Variants in AP5Z1 observed in about 807,000 individuals in gnomAD.
AP5Z1 encodes the protein AP-5 complex subunit zeta-1.
Under a neutral mutation model 83.0 loss-of-function variants are expected in AP5Z1, and 106 were observed. The ratio of observed to expected loss-of-function variants is 1.28; its 90% CI spans 1.09 to 1.50. The LOEUF (loss-of-function observed/expected upper bound fraction) is 1.50. AP5Z1 is among the 40% of genes most tolerant of loss of function. The pLI is 0.00. For synonymous variants in AP5Z1, 751 were observed against 514.1 expected, an observed-to-expected ratio of 1.46 and a Z score of -6.23; for missense variants, 1,565 against 1,094.2, an observed-to-expected ratio of 1.43 and a Z score of -6.07.
At chr7:4,786,725 C>A (rs952136277) in intron 10 of AP5Z1, among the ~76,000 whole-genome samples, 3 of 152,038 alleles carry the variant, frequency 2.0e-5, no homozygotes, top group Non-Finnish European at 4.4e-5. Context: ...TAGGATCCCT[C>A]CCCCGGGAGC....
At position 4,783,799 on chromosome 7, in the gene AP5Z1, G is replaced by C; in HGVS notation, c.621+1G>C. The C allele has an allele frequency of 1.9e-6, 3 of 1,546,874 alleles. No homozygotes were observed. Among genetic ancestry groups the C allele is most frequent in the Non-Finnish European group, 2.6e-6 (3 of 1,146,798 alleles). On this transcript the variant is annotated splice_donor_variant, in intron 5 of 16. Transcript: ENST00000649063. LOFTEE classifies it high-confidence loss of function. ...CTTCTCCACGCCCAGGGCCCGGCAG[G>C]TGAGGCTGGGACTGTTCTGGAACCA... is the stretch of plus-strand genomic sequence containing the variant.
At chr7:4,790,422 C>G (rs1435465158) in intron 14 of AP5Z1, 37 bp from the exon 15 acceptor site, 5 of 1,612,514 alleles carry the variant, frequency 3.1e-6, no homozygotes, top group Non-Finnish European at 4.2e-6. Flanking sequence ...GGTCATAGGT[C>G]TGCACAGAGC....
rs1325127017 is a variant in AP5Z1, at chr7:4,790,537, G to A, written c.1884G>A (p.Glu628=). 1 of 1,613,162 alleles carries A rather than the reference G, an allele frequency of 6.2e-7. No individual in the cohort carries two copies. Among genetic ancestry groups the A allele is most frequent in the East Asian group, 2.2e-5 (1 of 44,862 alleles). Residue 628 remains glutamate, a synonymous_variant, in exon 15 of 17, where the codon GAG becomes GAA. Coordinates refer to ENST00000649063, the MANE Select transcript of AP5Z1 (RefSeq NM_014855.3). The part of the protein sequence containing the change: ...LVVELARDLL[E]FLGSVNGLCS... ...TGGAGCTGGCAAGAGACCTGCTGGA[G>A]TTCCTGGGCAGCGTGAATGGTCTCT...
chr7:4,790,036 T>A, intron 14 of AP5Z1, 107 bp downstream of exon 14: 2 of 981,488 alleles, frequency 2.0e-6, no homozygotes, highest in Non-Finnish European at 2.7e-6. Context: ...CACCCCTAGC[T>A]GGGCCCTCAG....
Position 4,775,757 on chromosome 7 carries a change from G to A in AP5Z1, c.41+1G>A. On this transcript the variant is annotated splice_donor_variant, in intron 1 of 16. Transcript: ENST00000649063. LOFTEE classifies it high-confidence loss of function. ...CGGAGAGTTTGCTCCACCAGGCCAG[G>A]TACGGGGGAGCTGCGGCCCCGGCCC... The A allele has an allele frequency of 6.2e-7, 1 of 1,604,342 alleles. No individual in the cohort carries two copies. The highest frequency in any genetic ancestry group is 8.5e-7 in the Non-Finnish European group (1 of 1,179,638).
In AP5Z1 at chr7:4,783,465, G is replaced by T. The variant is rs759729051; in HGVS notation, c.511+5G>T. On this transcript the variant is annotated splice_donor_5th_base_variant and intron_variant, in intron 4 of 16. Transcript: ENST00000649063. ...GCCCGGGCACCCTCCAGGAGGGTACGCGGGGCCCCTCCCAAGAGGCTGTTG... is the reference window on the plus strand; with the variant it reads ...GCCCGGGCACCCTCCAGGAGGGTACTCGGGGCCCCTCCCAAGAGGCTGTTG... The T allele has an allele frequency of 5.6e-6, 9 of 1,610,340 alleles. No homozygotes were observed. The highest frequency in any genetic ancestry group is 6.8e-6 in the Non-Finnish European group (8 of 1,178,466).
At chr7:4,775,812 CG>C in intron 1 of AP5Z1, 56 bp downstream of exon 1, 4 of 1,585,642 alleles carry the variant, frequency 2.5e-6, no homozygotes, top group Non-Finnish European at 3.4e-6. Flanking sequence ...TAGGGGCACA[CG>C]GGGGTGGGTC....
In AP5Z1 at chr7:4,781,309, G is replaced by T; in HGVS notation, c.176G>T (p.Arg59Leu). 2 of 1,613,272 alleles carry T rather than the reference G, an allele frequency of 1.2e-6. No homozygotes were observed. Among genetic ancestry groups the T allele is most frequent in the South Asian group, 1.1e-5 (1 of 91,066 alleles). ...FLIISATKYS[R>L]RLEKTCVDLL... ...ATCATCTCAGCCACGAAGTACAGCC[G>T]GAGGTGAGTGTGGCGACGGCTCAGG... is the stretch of plus-strand genomic sequence containing the variant. The change falls in exon 2 of 17, where the codon CGG (arginine) becomes CTG (leucine). Residue 59 changes from arginine to leucine, a missense_variant. Physicochemically the swap from Arg to Leu is moderately radical, Grantham distance 102. Coordinates refer to ENST00000649063, the MANE Select transcript of AP5Z1 (RefSeq NM_014855.3).
At chr7:4,785,091 G>C (rs374143743) in intron 7 of AP5Z1, 43 bp downstream of exon 7, 4 of 1,550,218 alleles carry the variant, frequency 2.6e-6, no homozygotes, top group South Asian at 1.2e-5. Flanking sequence ...AGGGCTCGAC[G>C]CACCTGCTCT....
rs1781449646 is a variant in AP5Z1, at chr7:4,783,706, A to G, written c.529A>G (p.Ser177Gly). ...TLQEDQATLL[S>G]KRLVDWLRYA... Reference sequence around the variant, plus strand: ...CACTGCAGACCAGGCCACCCTGCTCAGCAAGCGGCTGGTCGACTGGCTGCG... The same window carrying G: ...CACTGCAGACCAGGCCACCCTGCTCGGCAAGCGGCTGGTCGACTGGCTGCG... Residue 177 changes from serine (S) to glycine (G), a missense_variant, in exon 5 of 17, where the codon AGC (serine) becomes GGC (glycine). Transcript: ENST00000649063. The G allele has an allele frequency of 2.6e-6, 4 of 1,550,600 alleles. No individual in the cohort carries two copies. The highest frequency in any genetic ancestry group is 2.6e-6 in the Non-Finnish European group (3 of 1,146,902).
rs766258426 is a variant in AP5Z1 at position 4,788,223 on chromosome 7, C to T, written c.1524C>T (p.Ala508=). 1 of 1,571,968 alleles carries T rather than the reference C, an allele frequency of 6.4e-7. No homozygotes were observed. Among genetic ancestry groups the T allele is most frequent in the South Asian group, 1.2e-5 (1 of 85,618 alleles). ...TCAGGGCCCCCAGCTGCCTGGAGGC[C>T]TTCCGGGACCCGCAGTTCCAGGGTC... is the stretch of plus-strand genomic sequence containing the variant. ...TSLRAPSCLE[A]FRDPQFQGLF... Residue 508 remains alanine, a synonymous_variant, in exon 12 of 17, where the codon GCC becomes GCT. Transcript: ENST00000649063.
intron 1 of AP5Z1, among the ~76,000 whole-genome samples, chr7:4,780,005 A>G (rs6947330): frequency 0.013 from 2,006 of 152,062 alleles, 50 homozygotes; most frequent in African/African-American, 0.046. Flanking sequence ...GGTCTCAGAC[A>G]TCTGCACTCA....
chr7:4,776,783 C>T (rs1275003001), intron 1 of AP5Z1, among the ~76,000 whole-genome samples: 1 of 151,738 alleles, frequency 6.6e-6, no homozygotes, highest in South Asian at 2.1e-4. Context: ...CACTACAGCC[C>T]CTTGGTAAAC....
chr7:4,791,510 G>A lies in AP5Z1; in HGVS notation c.*125G>A. ...TGGGAGAGGAGGCAAGGCCCACGGT[G>A]GGCTTGGCACCCTCACAGACACGCG... On this transcript the variant is annotated 3_prime_UTR_variant, in exon 17 of 17. Coordinates refer to ENST00000649063, the MANE Select transcript of AP5Z1 (RefSeq NM_014855.3). 1 of 1,388,250 alleles carries A rather than the reference G, an allele frequency of 7.2e-7. No homozygotes were observed. Among genetic ancestry groups the A allele is most frequent in the South Asian group, 1.5e-5 (1 of 67,900 alleles). The allele number at this position is 1,388,250 out of a possible 1,614,324, so 86.0% of individuals were successfully genotyped here. A position where few individuals can be genotyped will look rare whatever the true frequency, so the allele number is the denominator to read the frequency against.
intron 5 of AP5Z1, 106 bp downstream of exon 5, chr7:4,783,904 T>A: frequency 8.1e-7 from 1 of 1,234,474 alleles, no homozygotes; most frequent in Non-Finnish European, 1.1e-6. Context: ...TTCCGCGGGG[T>A]CCAGGACGAG....
intron 5 of AP5Z1, 120 bp downstream of exon 5, chr7:4,783,918 G>T: frequency 8.9e-7 from 1 of 1,127,994 alleles, no homozygotes; most frequent in South Asian, 1.6e-5. Context: ...GGACGAGCCT[G>T]CCTCTGCTGC....
intron 12 of AP5Z1, chr7:4,788,541 G>C (rs1781634024): frequency 1.9e-6 from 1 of 539,636 alleles, no homozygotes; most frequent in African/African-American, 1.9e-5. Flanking sequence ...TTGGCCCTGT[G>C]GGTGCTCCAT....
intron 13 of AP5Z1, 109 bp downstream of exon 13, chr7:4,789,060 C>A: frequency 1.1e-6 from 1 of 925,280 alleles, no homozygotes; most frequent in South Asian, 1.6e-5. Flanking sequence ...CTGCTCCCGC[C>A]ACACCCACCA....
intron 7 of AP5Z1, 28 bp from the exon 8 acceptor site, chr7:4,785,387 G>C: frequency 6.2e-7 from 1 of 1,611,278 alleles, no homozygotes; most frequent in Non-Finnish European, 8.5e-7. Context: ...CTGAGACAGA[G>C]CCGGCTGACT....
Sources: allele counts gnomAD v4.1 joint callset (sites outside exome capture counted in the v4.1 genomes callset), GRCh38; gene constraint gnomAD v4.1.1; transcripts MANE v1.5; gene names NCBI Gene and HGNC (gene_info 2026-07-23, HGNC 2026-07-21).